The following ROBO2 variants were observed in gnomAD, a reference collection of about 807,000 sequenced individuals.
ROBO2 encodes roundabout homolog 2.
Under a neutral mutation model 160.8 loss-of-function variants are expected in ROBO2, and 53 were observed. The observed-to-expected ratio is 0.33, with a 90% CI of 0.26 to 0.41. The LOEUF is 0.41. Ranked by LOEUF, ROBO2 falls within the 10% of genes least tolerant of loss-of-function variation. ROBO2 has a pLI of 1.00. For synonymous variants in ROBO2, 664 were observed against 611.7 expected (o/e 1.09, Z -1.26); for missense variants, 1,577 against 1,722.4 (o/e 0.92, Z 1.49).
chr3:76,255,814 TA>T (rs1706322572), intron 2 of ROBO2, among the ~76,000 whole-genome samples: 1 of 152,034 alleles, frequency 6.6e-6, no homozygotes, highest in Admixed American at 6.6e-5. Context: ...ATAATAGTAT[TA>T]ATCACTTTCC....
In ROBO2 at chr3:76,097,632, T is replaced by C. The variant is rs541575637; in HGVS notation, c.109+160030T>C. On this transcript the variant is annotated intron_variant, in intron 2 of 26. Coordinates refer to the ROBO2 transcript ENST00000487694. The stretch of plus-strand genomic sequence containing the variant: ...GGTGGAAATTAAAATAAACAAAAAT[T>C]AACAGGGTAATCAGGGAGGATCTCA... 9.2e-5 allele frequency among the ~76,000 whole-genome samples: 14 copies of C among 152,124 alleles called. No individual in the cohort carries two copies. In the East Asian group the frequency reaches 2.3e-3, roughly 25 times the overall value.
intron 2 of ROBO2, among the ~76,000 whole-genome samples, chr3:76,678,532 T>G (rs2092471968): frequency 6.6e-6 from 1 of 152,232 alleles, no homozygotes; most frequent in African/African-American, 2.4e-5. Context: ...AAGCAGGCTC[T>G]TAATGATCAC....
At chr3:76,232,364 C>G (rs756259649) in intron 2 of ROBO2, among the ~76,000 whole-genome samples, 1 of 152,154 alleles carries the variant, frequency 6.6e-6, no homozygotes, top group Non-Finnish European at 1.5e-5. Flanking sequence ...TCCATGGAGA[C>G]ACGGTCAATA....
At chr3:76,476,530 T>G (rs1390241060) in intron 2 of ROBO2, among the ~76,000 whole-genome samples, 1 of 152,176 alleles carries the variant, frequency 6.6e-6, no homozygotes, top group Admixed American at 6.5e-5. Flanking sequence ...GACAGATTAT[T>G]GCTTTGAGCT....
chr3:77,538,918 T>G (rs2092316229), intron 6 of ROBO2: 1 of 462,826 alleles, frequency 2.2e-6, no homozygotes, highest in Non-Finnish European at 4.3e-6. Flanking sequence ...TTTTTAATTT[T>G]TTTTCTTCTT....
chr3:77,339,768 A>C lies in ROBO2; in HGVS notation c.389-137646A>C, dbSNP rs566173051. On this transcript the variant is annotated intron_variant, in intron 2 of 25. Transcript: ENST00000461745. ...AGGCATTATAATATATATTTTAAAA[A>C]AAAAGAGTTGGAGTGGCTAGCAAAA... Among the ~76,000 whole-genome samples, 3 of 152,182 alleles carry C rather than the reference A, an allele frequency of 2.0e-5. No homozygotes were observed. In the South Asian group the frequency reaches 6.2e-4, roughly 31 times the overall value.
intron 2 of ROBO2, among the ~76,000 whole-genome samples, chr3:76,365,793 A>G (rs1323247126): frequency 4.0e-5 from 6 of 151,878 alleles, no homozygotes; most frequent in African/African-American, 1.4e-4. Flanking sequence ...AACATGAGAA[A>G]TTGGAATTTA....
intron 2 of ROBO2, chr3:76,434,804 A>T (rs1392218899): frequency 3.5e-6 from 5 of 1,439,400 alleles, no homozygotes; most frequent in Non-Finnish European, 4.9e-6. Context: ...AGAGCATCAC[A>T]CATGCCCTGA....
chr3:77,032,065 C>T (rs926392125), intron 2 of ROBO2, among the ~76,000 whole-genome samples: 2 of 152,034 alleles, frequency 1.3e-5, no homozygotes, highest in African/African-American at 4.8e-5. Flanking sequence ...AGGAATCTGC[C>T]CTCATCACCG....
intron 2 of ROBO2, among the ~76,000 whole-genome samples, chr3:77,396,150 C>T (rs1310872707): frequency 6.6e-6 from 1 of 151,348 alleles, no homozygotes; most frequent in Admixed American, 6.6e-5. Flanking sequence ...ATTATCTCAC[C>T]TCCTATTTGG....
At chr3:77,295,693 T>A (rs1279459190) in intron 2 of ROBO2, among the ~76,000 whole-genome samples, 2 of 126,110 alleles carry the variant, frequency 1.6e-5, no homozygotes, top group African/African-American at 6.3e-5. Flanking sequence ...AAACGGGAAG[T>A]TGAGGCTAGA....
chr3:77,114,093 C>T lies in ROBO2; in HGVS notation c.388+15753C>T, dbSNP rs191266836. Among the ~76,000 whole-genome samples the T allele has an allele frequency of 4.6e-5, 7 of 152,270 alleles. No individual in the cohort carries two copies. In the East Asian group the frequency reaches 1.2e-3, roughly 25 times the overall value. The stretch of plus-strand genomic sequence containing the variant: ...ATAATTCTGGGAGTTTAAGAGACCA[C>T]GTTCTGACCATTTTCTACTATTAAC... On this transcript the variant is annotated intron_variant, in intron 2 of 25. Coordinates refer to ENST00000461745, the Ensembl canonical transcript of ROBO2.
At chr3:76,327,450 C>G (rs1051748598) in intron 2 of ROBO2, among the ~76,000 whole-genome samples, 2 of 152,142 alleles carry the variant, frequency 1.3e-5, no homozygotes, top group Admixed American at 6.5e-5. Context: ...TTGATAATGA[C>G]AGATTATTAA....
At chr3:76,210,433 C>G (rs2107315918) in intron 2 of ROBO2, among the ~76,000 whole-genome samples, 1 of 152,024 alleles carries the variant, frequency 6.6e-6, no homozygotes, top group East Asian at 1.9e-4. Context: ...CTACTAGGCA[C>G]AAATCAATTT....
chr3:76,193,254 A>G (rs1157166862), intron 2 of ROBO2, among the ~76,000 whole-genome samples: 1 of 152,096 alleles, frequency 6.6e-6, no homozygotes, highest in Non-Finnish European at 1.5e-5. Flanking sequence ...ATTTGGTGGT[A>G]TTCACTTTCA....
At chr3:77,169,953 CT>C (rs2079472704) in intron 2 of ROBO2, among the ~76,000 whole-genome samples, 1 of 152,100 alleles carries the variant, frequency 6.6e-6, no homozygotes, top group Non-Finnish European at 1.5e-5. Context: ...TGATGGCTTC[CT>C]TTCTTTGTAC....
intron 2 of ROBO2, among the ~76,000 whole-genome samples, chr3:77,363,039 A>G (rs572249573): frequency 6.6e-6 from 1 of 152,276 alleles, no homozygotes; most frequent in East Asian, 1.9e-4. Context: ...CATATCAAAC[A>G]GGTAGAGGAA....
chr3:76,136,592 C>G (rs945833460), intron 2 of ROBO2, among the ~76,000 whole-genome samples: 1 of 151,994 alleles, frequency 6.6e-6, no homozygotes, highest in Non-Finnish European at 1.5e-5. Context: ...TGTCTATCTA[C>G]ATACATTGCT....
intron 2 of ROBO2, among the ~76,000 whole-genome samples, chr3:76,178,715 T>TG (rs938599896): frequency 1.8e-4 from 28 of 152,046 alleles, no homozygotes; most frequent in African/African-American, 6.7e-4. Context: ...AAGGCCGAGG[T>TG]GGGGGGATTA....
Sources: allele counts gnomAD v4.1 joint callset (sites outside exome capture counted in the v4.1 genomes callset), GRCh38; gene constraint gnomAD v4.1.1; transcripts MANE v1.5; gene names NCBI Gene and HGNC (gene_info 2026-07-23, HGNC 2026-07-21).